ADGRL1: variants seen among roughly 807,000 people sequenced by gnomAD.
ADGRL1 encodes the protein CIRL-1.
A neutral mutation model predicts 148.9 loss-of-function variants in ADGRL1; 31 were observed. The ratio of observed to expected loss-of-function variants is 0.21; its 90% CI spans 0.16 to 0.28. The LOEUF (loss-of-function observed/expected upper bound fraction) is 0.28, where lower values mean the gene tolerates loss of function less well. ADGRL1 is among the 10% of genes least tolerant of loss of function. The pLI, the probability that ADGRL1 is intolerant of heterozygous loss-of-function variation, is 1.00. For synonymous variants in ADGRL1, 937 were observed against 900.3 expected, an observed-to-expected ratio of 1.04 and a Z score of -0.73; for missense variants, 1,521 against 2,058.8, an observed-to-expected ratio of 0.74 and a Z score of 5.05.
intron 1 of ADGRL1, chr19:14,190,950 T>C: frequency 2.6e-6 from 1 of 380,308 alleles, no homozygotes; most frequent in Non-Finnish European, 5.3e-6. Flanking sequence ...TAGCCAGGTG[T>C]GATGGCGGGG....
chr19:14,158,730 C>T (rs751502698), intron 11 of ADGRL1, among the ~76,000 whole-genome samples, 178 bp from the exon 12 acceptor site: 7 of 152,210 alleles, frequency 4.6e-5, no homozygotes, highest in Non-Finnish European at 1.0e-4. Flanking sequence ...TCCACAAGAC[C>T]ACTGCTCAGC....
intron 4 of ADGRL1, among the ~76,000 whole-genome samples, chr19:14,166,096 C>CCCCGCCG (rs967414734): frequency 1.3e-5 from 2 of 152,108 alleles, no homozygotes; most frequent in African/African-American, 2.4e-5. Context: ...CAGACTGTGC[C>CCCCGCCG]CCCGCCGCCC....
At chr19:14,153,105 A>G (rs1478048698) in intron 18 of ADGRL1, among the ~76,000 whole-genome samples, 193 bp from the exon 19 acceptor site, 1 of 152,210 alleles carries the variant, frequency 6.6e-6, no homozygotes, top group Non-Finnish European at 1.5e-5. Flanking sequence ...CCAGCCGATC[A>G]GGTTTCACTC....
At chr19:14,183,206 A>AGAGAGAGC (rs1971326149) in intron 2 of ADGRL1, among the ~76,000 whole-genome samples, 4 of 149,864 alleles carry the variant, frequency 2.7e-5, no homozygotes, top group Admixed American at 2.0e-4. Flanking sequence ...AGAGAGAGAG[A>AGAGAGAGC]GAGAGAGAGA....
chr19:14,164,349 G>A (rs1294837675), intron 4 of ADGRL1, among the ~76,000 whole-genome samples: 2 of 152,126 alleles, frequency 1.3e-5, no homozygotes, highest in Non-Finnish European at 2.9e-5. Context: ...TGTGCAGAGG[G>A]AAGAGAGACA....
chr19:14,183,212 A>AGAGAGCGAGAGAGC (rs1555790224), intron 2 of ADGRL1, among the ~76,000 whole-genome samples: 4 of 151,050 alleles, frequency 2.6e-5, no homozygotes, highest in Non-Finnish European at 5.9e-5. Flanking sequence ...AGAGAGAGAG[A>AGAGAGCGAGAGAGC]GAGAGCGAGA....
chr19:14,151,137 G>A lies in ADGRL1; in HGVS notation c.4146C>T (p.Ser1382=), dbSNP rs200365667. The A allele has an allele frequency of 7.4e-4, 1,176 of 1,593,724 alleles. 2 individuals carry two copies. The highest frequency in any genetic ancestry group is 8.2e-4 in the South Asian group (72 of 88,002). Residue 1382 remains serine (S), a synonymous_variant, in exon 23 of 23, where the codon AGC becomes AGT. Coordinates refer to ENST00000361434, the MANE Select transcript of ADGRL1 (RefSeq NM_014921.5). ...SPPGRDSLYA[S]GANLRDSPSY... is the part of the protein sequence containing the mutation. ...AGGGTGAGTCCCGCAGGTTGGCCCC[G>A]CTGGCATAGAGGGAGTCCCGGCCAG...
rs528655863 is a variant in ADGRL1, at chr19:14,157,731, C to G, written c.2535+151G>C. On this transcript the variant is annotated intron_variant, in intron 13 of 22. Transcript: ENST00000361434. This position sits in a 1 kb window ranked among gnomAD's most constrained non-coding sequence, Gnocchi z 7.5. ...GGGATCATGGCCATAGAGGACCAGA[C>G]GCATGGCCTCATGCCCCAGGCAAGA... is the stretch of plus-strand genomic sequence containing the variant. The G allele has an allele frequency of 2.2e-6, 2 of 927,716 alleles. No individual in the cohort carries two copies. The highest frequency in any genetic ancestry group is 5.5e-5 in the Admixed American group (2 of 36,212). The allele number at this position is 927,716 out of a possible 1,614,324, so 57.5% of individuals were successfully genotyped here.
chr19:14,155,315 G>A lies in ADGRL1; in HGVS notation c.3294+44C>T, dbSNP rs534418677. ...GCCTTCTCCTGGGTACCCAGGAAAC[G>A]TCTCCAAGGGAGGCTGTGACCCAGG... On this transcript the variant is annotated intron_variant, in intron 18 of 22. Transcript: ENST00000361434. The surrounding 1 kb of genome is among the most constrained non-coding windows in gnomAD (Gnocchi z 5.0). 1.4e-5 allele frequency: 22 copies of A among 1,600,080 alleles called. No individual in the cohort carries two copies. The highest frequency in any genetic ancestry group is 6.7e-5 in the African/African-American group (5 of 74,520).
At chr19:14,188,183 A>G (rs143797636) in intron 1 of ADGRL1, among the ~76,000 whole-genome samples, 1 of 152,314 alleles carries the variant, frequency 6.6e-6, no homozygotes, top group East Asian at 1.9e-4. Flanking sequence ...TCTAGATCCC[A>G]ATTTTGCCTT....
At position 14,177,519 on chromosome 19, in the gene ADGRL1, G is replaced by A. The variant is rs1383085050; in HGVS notation, c.284+12C>T. 9 of 1,610,074 alleles carry A rather than the reference G, an allele frequency of 5.6e-6. No homozygotes were observed. Among genetic ancestry groups the A allele is most frequent in the Non-Finnish European group, 6.8e-6 (8 of 1,176,564 alleles). On this transcript the variant is annotated intron_variant, in intron 3 of 22. Transcript: ENST00000361434. Reference sequence around the variant, plus strand: ...GCACTTCATCCAGGAACTGCCACGAGAGCCCACTCACCTCTGTGACATGAT... The same window carrying A: ...GCACTTCATCCAGGAACTGCCACGAAAGCCCACTCACCTCTGTGACATGAT...
intron 1 of ADGRL1, among the ~76,000 whole-genome samples, chr19:14,194,722 C>T (rs1211129599): frequency 6.6e-6 from 1 of 151,604 alleles, no homozygotes; most frequent in East Asian, 1.9e-4. Flanking sequence ...CGGGCCCACA[C>T]TGTATTTGAG....
intron 16 of ADGRL1, 71 bp downstream of exon 16, chr19:14,156,587 G>T: frequency 2.2e-6 from 2 of 906,294 alleles, no homozygotes; most frequent in Non-Finnish European, 3.1e-6. Context: ...GGGGGCGGGG[G>T]CAGGGGCTGG....
intron 12 of ADGRL1, 58 bp downstream of exon 12, chr19:14,158,280 C>T (rs1017218120): frequency 2.6e-6 from 4 of 1,553,930 alleles, no homozygotes; most frequent in Non-Finnish European, 3.5e-6. Flanking sequence ...AGGTACACAG[C>T]CTGGGAACAC....
intron 4 of ADGRL1, chr19:14,169,564 A>G (rs1192064750): frequency 6.6e-6 from 1 of 152,280 alleles, no homozygotes. Context: ...GTAAAAGAAG[A>G]AAATTACGGA....
rs775459365 is a variant in ADGRL1 at position 14,158,413 on chromosome 19, G to A, written c.2289C>T (p.Ile763=). ...TGGACTCCTTGTTGATGGATGCTGC[G>A]ATGACCTGTGAGTTCACCACTAGAG... ...GASLVVNSQV[I]AASINKESSR... The change falls in exon 12 of 23, where the codon ATC becomes ATT. Residue 763 remains isoleucine, a synonymous_variant. Transcript: ENST00000361434. 1.8e-5 allele frequency: 29 copies of A among 1,613,660 alleles called. No individual in the cohort carries two copies. The African/African-American group carries it at 2.1e-4, about 12-fold the overall frequency.
chr19:14,152,669 T>C lies in ADGRL1; in HGVS notation c.3424-56A>G. 1 of 1,601,830 alleles carries C rather than the reference T, an allele frequency of 6.2e-7. No homozygotes were observed. The highest frequency in any genetic ancestry group is 1.1e-5 in the South Asian group (1 of 90,626). ...CTTGGGCCACCCACCCTCTGGCGTC[T>C]TTCTGAGACTGCTCACCTGATCATC... On this transcript the variant is annotated intron_variant, in intron 19 of 22. Coordinates refer to ENST00000361434, the MANE Select transcript of ADGRL1 (RefSeq NM_014921.5). This position sits in a 1 kb window ranked among gnomAD's most constrained non-coding sequence, Gnocchi z 6.1.
intron 3 of ADGRL1, 123 bp downstream of exon 3, chr19:14,177,408 A>C (rs1970895806): frequency 1.1e-6 from 1 of 876,710 alleles, no homozygotes; most frequent in South Asian, 1.5e-5. Context: ...GCACCTATTA[A>C]GTGCTCAGTA....
chr19:14,181,293 C>T (rs1436912155), intron 2 of ADGRL1, among the ~76,000 whole-genome samples: 1 of 152,210 alleles, frequency 6.6e-6, no homozygotes, highest in Non-Finnish European at 1.5e-5. Context: ...TTGCCGCTGA[C>T]AGGGCAGATG....
Sources: allele counts gnomAD v4.1 joint callset (sites outside exome capture counted in the v4.1 genomes callset), GRCh38; gene constraint gnomAD v4.1.1; non-coding constraint Gnocchi (gnomAD v3.1); transcripts MANE v1.5; gene names NCBI Gene and HGNC (gene_info 2026-07-23, HGNC 2026-07-21).